The following DGKB variants were observed in gnomAD, a reference collection of about 807,000 sequenced individuals.
DGKB encodes the protein diacylglycerol kinase beta, also known as 90 kDa diacylglycerol kinase.
In DGKB, 67 loss-of-function variants were observed where a neutral mutation model predicts 114.3. That is an observed-to-expected ratio of 0.59 (90% CI 0.48 to 0.72). DGKB has a LOEUF of 0.72. Ranked by LOEUF, DGKB falls within the 30% of genes least tolerant of loss-of-function variation. The probability of loss-of-function intolerance (pLI) is 0.00; values close to 1 mark genes in which losing one functional copy is unlikely to be tolerated. For missense variants in DGKB, 907 were observed against 975.2 expected (o/e 0.93, Z 0.93); for synonymous variants, 398 against 323.1 (o/e 1.23, Z -2.49).
intron 1 of DGKB, among the ~76,000 whole-genome samples, chr7:14,970,959 A>T (rs1447518652): frequency 1.3e-5 from 2 of 152,114 alleles, no homozygotes; most frequent in Non-Finnish European, 2.9e-5. Flanking sequence ...TTCTTGAACC[A>T]TTTTTTTGTA....
chr7:14,254,035 T>C lies in DGKB; in HGVS notation c.2123-75884A>G, dbSNP rs185988456. Among the ~76,000 whole-genome samples the C allele has an allele frequency of 2.0e-3, 310 of 152,322 alleles. 1 individual carries two copies. The highest frequency in any genetic ancestry group is 2.6e-3 in the Non-Finnish European group (177 of 68,024). On this transcript the variant is annotated intron_variant, in intron 23 of 25. Transcript: ENST00000402815. Reference sequence around the variant, plus strand: ...ACTCAATATTATGTGGGTCTCACTTTTGCTGATACAAACTTGTGAAGACGA... The same window carrying C: ...ACTCAATATTATGTGGGTCTCACTTCTGCTGATACAAACTTGTGAAGACGA...
rs76273031 is a variant in DGKB at position 14,343,403 on chromosome 7, C to T, written c.1926+1898G>A. ...AGAACATTCTAAATAGTTTTTCTGT[C>T]AGATCTCAAGCTCTGTGGATCAAAA... On this transcript the variant is annotated intron_variant, in intron 22 of 25. Transcript: ENST00000402815. Among the ~76,000 whole-genome samples, 1,079 of 151,836 alleles carry T rather than the reference C, an allele frequency of 7.1e-3. 12 individuals are homozygous for T. The highest frequency in any genetic ancestry group is 0.025 in the African/African-American group (1,045 of 41,480).
chr7:14,551,403 T>C (rs1359401614), intron 20 of DGKB, among the ~76,000 whole-genome samples: 2 of 152,230 alleles, frequency 1.3e-5, no homozygotes, highest in Non-Finnish European at 2.9e-5. Flanking sequence ...GGATATGTTC[T>C]ACAAAAACTG....
In DGKB at chr7:14,547,990, A is replaced by G. The variant is rs115047951; in HGVS notation, c.1770+26222T>C. Among the ~76,000 whole-genome samples the G allele has an allele frequency of 3.2e-3, 482 of 152,298 alleles. 3 individuals are homozygous for G. The highest frequency in any genetic ancestry group is 0.011 in the African/African-American group (462 of 41,564). ...CAGCTTTTTACTATTCCCATTTTCT[A>G]TAATTGTTAGAAGTATTTAAAAGAA... is the stretch of plus-strand genomic sequence containing the variant. On this transcript the variant is annotated intron_variant, in intron 20 of 25. Transcript: ENST00000402815.
At chr7:14,768,316 G>C (rs572464561) in intron 2 of DGKB, among the ~76,000 whole-genome samples, 1 of 151,984 alleles carries the variant, frequency 6.6e-6, no homozygotes, top group South Asian at 2.1e-4. Flanking sequence ...TGAAGAATTT[G>C]CTTCCAGATC....
intron 23 of DGKB, among the ~76,000 whole-genome samples, chr7:14,238,291 C>T (rs1270791540): frequency 6.6e-6 from 1 of 151,914 alleles, no homozygotes; most frequent in Non-Finnish European, 1.5e-5. Context: ...TTTAATAGTG[C>T]TTGGCAGTTT....
chr7:14,758,884 A>AATAGATAGATAGATAGATAG (rs76875239), intron 2 of DGKB, among the ~76,000 whole-genome samples: 5 of 145,068 alleles, frequency 3.4e-5, no homozygotes, highest in Non-Finnish European at 7.5e-5. Context: ...TGTGTGAAAC[A>AATAGATAGATAGATAGATAG]ATAGATAGAT....
At chr7:14,599,274 A>C (rs1483165496) in intron 17 of DGKB, among the ~76,000 whole-genome samples, 1 of 152,184 alleles carries the variant, frequency 6.6e-6, no homozygotes, top group African/African-American at 2.4e-5. Context: ...CACCAGAAAC[A>C]ACCTGAAGAA....
intron 1 of DGKB, among the ~76,000 whole-genome samples, chr7:14,848,824 C>T (rs1240898316): frequency 6.6e-6 from 1 of 152,064 alleles, no homozygotes; most frequent in African/African-American, 2.4e-5. Flanking sequence ...TCCAGAGCTC[C>T]CCAATGGGCT....
intron 13 of DGKB, among the ~76,000 whole-genome samples, chr7:14,632,601 C>T (rs1563736353): frequency 6.6e-6 from 1 of 151,586 alleles, no homozygotes; most frequent in Non-Finnish European, 1.5e-5. Flanking sequence ...AAAAATGTTT[C>T]TACAATGAAA....
chr7:14,452,674 T>C (rs1831700947), intron 21 of DGKB, among the ~76,000 whole-genome samples: 1 of 151,958 alleles, frequency 6.6e-6, no homozygotes, highest in African/African-American at 2.4e-5. Context: ...TATTATATAA[T>C]AAAAATCATA....
chr7:14,424,663 C>A (rs1827228667), intron 21 of DGKB, among the ~76,000 whole-genome samples: 1 of 152,056 alleles, frequency 6.6e-6, no homozygotes, highest in South Asian at 2.1e-4. Context: ...GGTTAAGCTT[C>A]AAACCGGGTC....
At position 14,701,708 on chromosome 7, in the gene DGKB, C is replaced by A. The variant is rs754384796; in HGVS notation, c.489G>T (p.Thr163=). 12 of 1,611,696 alleles carry A rather than the reference C, an allele frequency of 7.4e-6. No individual in the cohort carries two copies. Among genetic ancestry groups the A allele is most frequent in the Non-Finnish European group, 9.3e-6 (11 of 1,178,212 alleles). The change falls in exon 7 of 26, where the codon ACG becomes ACT. Residue 163 remains threonine (T), a synonymous_variant. Transcript: ENST00000402815. The stretch of plus-strand genomic sequence containing the variant: ...AGCTGTCCAGGAAGCCATTCCCATC[C>A]GTGTCATAAAGGCGAAACATAACTA... ...KLEFMFRLYD[T]DGNGFLDSSE...
rs543258816 is a variant in DGKB at position 14,366,905 on chromosome 7, C to T, written c.1836-21514G>A. Among the ~76,000 whole-genome samples, 7 of 152,120 alleles carry T rather than the reference C, an allele frequency of 4.6e-5. No homozygotes were observed. The South Asian group carries it at 1.5e-3, about 32-fold the overall frequency. Reference sequence around the variant, plus strand: ...TAATTAATAACAAAATACGAAGAAACCTATAACTTGCGTTATAGCCTGTAG... The same window carrying T: ...TAATTAATAACAAAATACGAAGAAATCTATAACTTGCGTTATAGCCTGTAG... On this transcript the variant is annotated intron_variant, in intron 21 of 25. Transcript: ENST00000402815.
intron 25 of DGKB, among the ~76,000 whole-genome samples, chr7:14,151,136 C>T (rs1369741209): frequency 6.6e-6 from 1 of 152,028 alleles, no homozygotes; most frequent in Non-Finnish European, 1.5e-5. Flanking sequence ...ATATTACTTA[C>T]ATGATAACCT....
chr7:14,355,790 A>C (rs1399342111), intron 21 of DGKB, among the ~76,000 whole-genome samples: 2 of 152,178 alleles, frequency 1.3e-5, no homozygotes, highest in African/African-American at 2.4e-5. Flanking sequence ...TGCTGGCCTC[A>C]TAAAATGAGT....
intron 9 of DGKB, among the ~76,000 whole-genome samples, chr7:14,686,620 A>G (rs1821730053): frequency 6.6e-6 from 1 of 152,204 alleles, no homozygotes; most frequent in Non-Finnish European, 1.5e-5. Flanking sequence ...ATAATAAAAT[A>G]TTAATAATAA....
chr7:14,969,028 T>A (rs1184395507), intron 1 of DGKB, among the ~76,000 whole-genome samples: 1 of 152,204 alleles, frequency 6.6e-6, no homozygotes, highest in Non-Finnish European at 1.5e-5. Context: ...GATGATTTAT[T>A]GTCTTGACCA....
At chr7:14,918,979 T>C (rs1353800828) in intron 1 of DGKB, among the ~76,000 whole-genome samples, 2 of 151,146 alleles carry the variant, frequency 1.3e-5, no homozygotes, top group Non-Finnish European at 2.9e-5. Flanking sequence ...AGGAGAATCG[T>C]TTGAACCCAG....
Sources: allele counts gnomAD v4.1 joint callset (sites outside exome capture counted in the v4.1 genomes callset), GRCh38; gene constraint gnomAD v4.1.1; transcripts MANE v1.5; gene names NCBI Gene and HGNC (gene_info 2026-07-23, HGNC 2026-07-21).